MARCHF1: variants seen among roughly 807,000 people sequenced by gnomAD.
MARCHF1 encodes membrane associated ring-CH-type finger 1.
A neutral mutation model predicts 54.2 loss-of-function variants in MARCHF1; 40 were observed. The ratio of observed to expected loss-of-function variants is 0.74; its 90% CI spans 0.57 to 0.96. MARCHF1 has a LOEUF of 0.96. Ranked by LOEUF, MARCHF1 falls within the 40% of genes least tolerant of loss-of-function variation. The probability of loss-of-function intolerance (pLI) is 0.00; values close to 1 mark genes in which losing one functional copy is unlikely to be tolerated. For synonymous variants in MARCHF1, 236 were observed against 236.3 expected, an observed-to-expected ratio of 1.00 and a Z score of 0.01; for missense variants, 586 against 656.5, an observed-to-expected ratio of 0.89 and a Z score of 1.17.
intron 2 of MARCHF1, among the ~76,000 whole-genome samples, chr4:164,042,343 G>A (rs1274384737): frequency 6.6e-6 from 1 of 152,132 alleles, no homozygotes; most frequent in Non-Finnish European, 1.5e-5. Context: ...TTAACAGGAA[G>A]CATAATTAGG....
chr4:163,731,167 C>A (rs1375030567), intron 4 of MARCHF1, among the ~76,000 whole-genome samples: 1 of 152,122 alleles, frequency 6.6e-6, no homozygotes, highest in Admixed American at 6.5e-5. Context: ...CTCTACATAT[C>A]CAATTAATTC....
At chr4:163,649,059 C>T (rs551011309) in intron 5 of MARCHF1, among the ~76,000 whole-genome samples, 88 of 152,038 alleles carry the variant, frequency 5.8e-4, no homozygotes, top group African/African-American at 2.1e-3. Context: ...GCTTGAGATC[C>T]AAGGCTTATG....
intron 4 of MARCHF1, among the ~76,000 whole-genome samples, chr4:163,766,443 A>G (rs1306094882): frequency 6.6e-6 from 1 of 152,202 alleles, no homozygotes; most frequent in African/African-American, 2.4e-5. Context: ...AAAATAAAAT[A>G]TAAGTGGCTG....
chr4:164,030,426 G>A (rs561074272), intron 2 of MARCHF1, among the ~76,000 whole-genome samples: 1 of 152,246 alleles, frequency 6.6e-6, no homozygotes, highest in East Asian at 1.9e-4. Flanking sequence ...AAATGCTACT[G>A]TATAATAACC....
rs540361647 is a variant in MARCHF1, at chr4:164,242,369, C to A, written c.-322-130707G>T. On this transcript the variant is annotated intron_variant, in intron 1 of 9. Coordinates refer to ENST00000514618, the MANE Select transcript of MARCHF1 (RefSeq NM_001394959.1). ...GGAGGCAACCCCCAGCAGGGGCACA[C>A]TGACACCTCACACGGCAGGGTATTC... Among the ~76,000 whole-genome samples, 120 of 112,950 alleles carry A rather than the reference C, an allele frequency of 1.1e-3. 1 individual carries two copies. Among genetic ancestry groups the A allele is most frequent in the Non-Finnish European group, 1.9e-3 (99 of 52,766 alleles). The allele number at this position is 112,950 out of a possible 152,430, so 74.1% of individuals were successfully genotyped here.
At chr4:163,901,577 T>C (rs1750941856) in intron 3 of MARCHF1, among the ~76,000 whole-genome samples, 1 of 152,202 alleles carries the variant, frequency 6.6e-6, no homozygotes, top group African/African-American at 2.4e-5. Context: ...AGAGTTTTAA[T>C]ACGTTTTCAG....
chr4:163,539,524 G>T (rs1738657070), intron 9 of MARCHF1, among the ~76,000 whole-genome samples: 1 of 152,196 alleles, frequency 6.6e-6, no homozygotes, highest in African/African-American at 2.4e-5. Flanking sequence ...TCAGCTGTAG[G>T]TTAAGAGCGG....
chr4:163,830,762 A>G (rs1748999001), intron 4 of MARCHF1, among the ~76,000 whole-genome samples: 1 of 152,124 alleles, frequency 6.6e-6, no homozygotes, highest in South Asian at 2.1e-4. Context: ...AAAAGAAACA[A>G]CAACAACAAA....
At chr4:164,301,100 C>T (rs755500090) in intron 1 of MARCHF1, among the ~76,000 whole-genome samples, 3 of 151,898 alleles carry the variant, frequency 2.0e-5, no homozygotes, top group Middle Eastern at 3.4e-3. Context: ...CTTAAAGTGC[C>T]CTTATGCATA....
intron 1 of MARCHF1, among the ~76,000 whole-genome samples, chr4:164,380,211 C>A (rs1731328039): frequency 6.6e-6 from 1 of 152,134 alleles, no homozygotes; most frequent in South Asian, 2.1e-4. Flanking sequence ...TTTGCACCAA[C>A]CTAATAAAAT....
chr4:163,903,690 A>G (rs1750991702), intron 3 of MARCHF1, among the ~76,000 whole-genome samples: 1 of 151,826 alleles, frequency 6.6e-6, no homozygotes, highest in Non-Finnish European at 1.5e-5. Flanking sequence ...GGTTCACTGC[A>G]ACGTCTGCAT....
At chr4:164,000,317 GA>G (rs1192195174) in intron 2 of MARCHF1, among the ~76,000 whole-genome samples, 2 of 151,698 alleles carry the variant, frequency 1.3e-5, no homozygotes, top group Non-Finnish European at 3.0e-5. Flanking sequence ...ATGATTTATT[GA>G]AATGAAAAGA....
chr4:163,647,037 C>A (rs1393796448), intron 5 of MARCHF1, among the ~76,000 whole-genome samples: 1 of 152,050 alleles, frequency 6.6e-6, no homozygotes, highest in African/African-American at 2.4e-5. Context: ...TTTAAGGACA[C>A]ACATAGACTG....
chr4:163,797,365 G>A (rs780512649), intron 4 of MARCHF1, among the ~76,000 whole-genome samples: 5,770 of 151,846 alleles, frequency 0.038, 161 homozygotes, highest in South Asian at 0.074. Context: ...GTGTGTGTGT[G>A]TGTGTGTGCT....
At chr4:163,984,807 T>C (rs1461925373) in intron 3 of MARCHF1, among the ~76,000 whole-genome samples, 1 of 152,094 alleles carries the variant, frequency 6.6e-6, no homozygotes, top group African/African-American at 2.4e-5. Flanking sequence ...GAAGAATGAA[T>C]TAATAGAAGC....
chr4:164,208,785 A>T (rs1013584924), intron 1 of MARCHF1, among the ~76,000 whole-genome samples: 2 of 152,130 alleles, frequency 1.3e-5, no homozygotes, highest in Admixed American at 6.5e-5. Flanking sequence ...ATCTCTAAAA[A>T]AATACGAAAA....
chr4:163,641,160 A>G (rs926350294), intron 5 of MARCHF1, among the ~76,000 whole-genome samples: 4 of 152,246 alleles, frequency 2.6e-5, no homozygotes, highest in Non-Finnish European at 4.4e-5. Context: ...CATTTCTCAC[A>G]TGCTAATTTC....
chr4:164,257,319 AT>A (rs1186555982), intron 1 of MARCHF1, among the ~76,000 whole-genome samples: 2 of 151,830 alleles, frequency 1.3e-5, no homozygotes, highest in African/African-American at 4.8e-5. Flanking sequence ...TAATTGGATA[AT>A]TTTTCTTGTT....
At chr4:164,183,580 C>T (rs945183711) in intron 1 of MARCHF1, among the ~76,000 whole-genome samples, 6 of 152,170 alleles carry the variant, frequency 3.9e-5, no homozygotes, top group African/African-American at 9.7e-5. Context: ...AAATACCCTA[C>T]GTTTTCTTCC....
Sources: allele counts gnomAD v4.1 joint callset (sites outside exome capture counted in the v4.1 genomes callset), GRCh38; gene constraint gnomAD v4.1.1; transcripts MANE v1.5; gene names NCBI Gene and HGNC (gene_info 2026-07-23, HGNC 2026-07-21).